Variants in SNTB2 observed in about 807,000 individuals in gnomAD.
The protein encoded by SNTB2 is syntrophin beta 2.
Under a neutral mutation model 46.2 loss-of-function variants are expected in SNTB2, and 34 were observed. The ratio of observed to expected loss-of-function variants is 0.74; its 90% CI spans 0.56 to 0.98. The LOEUF (loss-of-function observed/expected upper bound fraction) is 0.98, where lower values mean the gene tolerates loss of function less well. SNTB2 is among the 50% of genes least tolerant of loss of function. The pLI, the probability that SNTB2 is intolerant of heterozygous loss-of-function variation, is 0.00. For synonymous variants in SNTB2, 290 were observed against 312.6 expected (o/e 0.93, Z 0.76); for missense variants, 603 against 731.4 (o/e 0.82, Z 2.02).
chr16:69,247,713 A>G lies in SNTB2; in HGVS notation c.794+1898A>G, dbSNP rs1457237941. 2.0e-5 allele frequency among the ~76,000 whole-genome samples: 3 copies of G among 152,192 alleles called. No homozygotes were observed. In the East Asian group the frequency reaches 5.8e-4, roughly 29 times the overall value. On this transcript the variant is annotated intron_variant, in intron 2 of 6. Coordinates refer to ENST00000336278, the MANE Select transcript of SNTB2 (RefSeq NM_006750.4). ...TACACCACCATGTCATCATCTTTAA[A>G]AAAAGGGATAATGGTACTTAGTGTG...
At chr16:69,204,527 C>T (rs1027739108) in intron 1 of SNTB2, among the ~76,000 whole-genome samples, 3 of 152,154 alleles carry the variant, frequency 2.0e-5, no homozygotes, top group African/African-American at 4.8e-5. Context: ...ATTTTAAATT[C>T]TTTCAGAATC....
In SNTB2 at chr16:69,269,355, A is replaced by G. The variant is rs1175461516; in HGVS notation, c.1006-788A>G. On this transcript the variant is annotated intron_variant, in intron 3 of 6. Coordinates refer to ENST00000336278, the MANE Select transcript of SNTB2 (RefSeq NM_006750.4). Reference sequence around the variant, plus strand: ...AACATGGTGAAACCCCATCTCTACTAAAAATACAAAAGTTAGCTGGGCGTG... The same window carrying G: ...AACATGGTGAAACCCCATCTCTACTGAAAATACAAAAGTTAGCTGGGCGTG... Among the ~76,000 whole-genome samples the G allele has an allele frequency of 3.0e-4, 46 of 150,984 alleles. No individual in the cohort carries two copies. In the Admixed American group the frequency reaches 3.0e-3, roughly 10 times the overall value.
chr16:69,284,453 C>T (rs1797993951), intron 5 of SNTB2, among the ~76,000 whole-genome samples: 2 of 111,790 alleles, frequency 1.8e-5, no homozygotes, highest in African/African-American at 7.1e-5. Flanking sequence ...GAAACCCCGT[C>T]TTTACTAAAA....
At chr16:69,188,606 G>C (rs982367020) in intron 1 of SNTB2, among the ~76,000 whole-genome samples, 1 of 152,218 alleles carries the variant, frequency 6.6e-6, no homozygotes, top group Admixed American at 6.5e-5. Context: ...CATGCATGTT[G>C]GAGGTGATAG....
chr16:69,249,209 A>G (rs1964702016), intron 2 of SNTB2, among the ~76,000 whole-genome samples: 1 of 151,750 alleles, frequency 6.6e-6, no homozygotes, highest in South Asian at 2.1e-4. Flanking sequence ...TATTTTTTGT[A>G]GAGACAGGGT....
intron 5 of SNTB2, among the ~76,000 whole-genome samples, chr16:69,297,786 C>T (rs1356854623): frequency 6.6e-6 from 1 of 151,906 alleles, no homozygotes; most frequent in African/African-American, 2.4e-5. Flanking sequence ...TGGTGGTGTA[C>T]ATCTGTAATC....
At chr16:69,225,885 G>A (rs930852260) in intron 1 of SNTB2, among the ~76,000 whole-genome samples, 6 of 150,134 alleles carry the variant, frequency 4.0e-5, no homozygotes, top group South Asian at 2.1e-4. Flanking sequence ...CTCCTACCTC[G>A]GCCTCCTGAG....
intron 4 of SNTB2, among the ~76,000 whole-genome samples, chr16:69,278,048 G>A (rs116452729): frequency 0.023 from 3,503 of 152,274 alleles, 136 homozygotes; most frequent in African/African-American, 0.08. Flanking sequence ...CAGGCACGGC[G>A]GCACGCGCCT....
At chr16:69,250,468 C>G (rs1467212178) in intron 2 of SNTB2, among the ~76,000 whole-genome samples, 1 of 152,178 alleles carries the variant, frequency 6.6e-6, no homozygotes, top group Non-Finnish European at 1.5e-5. Flanking sequence ...ATTAACTTCT[C>G]AAGTTATTAT....
chr16:69,297,097 G>A (rs1965233228), intron 5 of SNTB2, among the ~76,000 whole-genome samples: 1 of 151,706 alleles, frequency 6.6e-6, no homozygotes, highest in Admixed American at 6.6e-5. Context: ...CTGAGCTCAG[G>A]AGTTCAAGAC....
chr16:69,267,713 G>A (rs1964899592), intron 3 of SNTB2, among the ~76,000 whole-genome samples: 1 of 152,186 alleles, frequency 6.6e-6, no homozygotes, highest in Non-Finnish European at 1.5e-5. Flanking sequence ...TCGTGGCCTT[G>A]GCTAAGAGAA....
intron 1 of SNTB2, among the ~76,000 whole-genome samples, chr16:69,229,101 C>T (rs1006722625): frequency 3.3e-5 from 5 of 152,126 alleles, no homozygotes; most frequent in African/African-American, 7.2e-5. Flanking sequence ...ACTCCCCCGA[C>T]GTTGTATTGT....
At chr16:69,296,113 C>T (rs1965220688) in intron 5 of SNTB2, among the ~76,000 whole-genome samples, 1 of 151,494 alleles carries the variant, frequency 6.6e-6, no homozygotes. Flanking sequence ...AACCCCATCT[C>T]TACTAAAAAT....
At chr16:69,231,066 G>C (rs1233446801) in intron 1 of SNTB2, 1 of 152,138 alleles carries the variant, frequency 6.6e-6, no homozygotes, top group African/African-American at 2.4e-5. Flanking sequence ...TATGCAAACT[G>C]CCTTTCTCAT....
intron 1 of SNTB2, among the ~76,000 whole-genome samples, chr16:69,217,559 A>G (rs1403275462): frequency 6.6e-6 from 1 of 152,240 alleles, no homozygotes; most frequent in East Asian, 1.9e-4. Flanking sequence ...AAAGCTGACT[A>G]CTTCAGTTTT....
At chr16:69,281,905 CT>C (rs776664092) in intron 4 of SNTB2, among the ~76,000 whole-genome samples, 239 of 125,294 alleles carry the variant, frequency 1.9e-3, no homozygotes, top group African/African-American at 4.4e-3. Flanking sequence ...TTGTTTCTCT[CT>C]TTTTTTTTTT....
chr16:69,214,115 G>A (rs377191437), intron 1 of SNTB2, among the ~76,000 whole-genome samples: 6 of 148,290 alleles, frequency 4.0e-5, no homozygotes, highest in Non-Finnish European at 5.9e-5. Context: ...GAGCCACCAC[G>A]CCCAGCCTTT....
At chr16:69,254,996 C>T (rs905803292) in intron 2 of SNTB2, among the ~76,000 whole-genome samples, 2 of 151,958 alleles carry the variant, frequency 1.3e-5, no homozygotes, top group Non-Finnish European at 2.9e-5. Flanking sequence ...TGTGTGTAGT[C>T]TCATTCTTCT....
intron 5 of SNTB2, among the ~76,000 whole-genome samples, chr16:69,295,910 T>G (rs1597205056): frequency 6.6e-6 from 1 of 152,188 alleles, no homozygotes; most frequent in African/African-American, 2.4e-5. Flanking sequence ...AAAAACTGTT[T>G]AATTGGTTCG....
Sources: allele counts gnomAD v4.1 joint callset (sites outside exome capture counted in the v4.1 genomes callset), GRCh38; gene constraint gnomAD v4.1.1; transcripts MANE v1.5; gene names NCBI Gene and HGNC (gene_info 2026-07-23, HGNC 2026-07-21).